The following CEP44 variants were observed in gnomAD, a reference collection of about 807,000 sequenced individuals.
CEP44 encodes centrosomal protein 44.
In CEP44, 45 loss-of-function variants were observed where a neutral mutation model predicts 46.7. The observed-to-expected ratio is 0.96, with a 90% CI of 0.76 to 1.24. CEP44 has a LOEUF of 1.24. CEP44 is among the 50% of genes most tolerant of loss of function. CEP44 has a pLI of 0.00. For synonymous variants in CEP44, 142 were observed against 146.0 expected, an observed-to-expected ratio of 0.97 and a Z score of 0.20; for missense variants, 475 against 459.7, an observed-to-expected ratio of 1.03 and a Z score of -0.30.
chr4:174,294,734 C>A (rs1331821130), intron 1 of CEP44, among the ~76,000 whole-genome samples: 1 of 144,094 alleles, frequency 6.9e-6, no homozygotes, highest in East Asian at 2.1e-4. Flanking sequence ...GACCACCCCC[C>A]ACCTCCCTGC....
Position 174,303,731 on chromosome 4 carries a change from C to A in CEP44, c.266C>A (p.Pro89Gln). The A allele has an allele frequency of 1.3e-6, 2 of 1,541,800 alleles. No individual in the cohort carries two copies. The highest frequency in any genetic ancestry group is 1.2e-5 in the South Asian group (1 of 82,578). Residue 89 changes from proline (P) to glutamine (Q), a missense_variant, in exon 5 of 12, where the codon CCA (proline) becomes CAA (glutamine). By Grantham distance (76) the Pro-to-Gln change is moderately conservative (BLOSUM62 -1). Transcript: ENST00000503780. ...KLLRDQFNYK[P>Q]ILTKKQFIQC... ...CTTCGTGATCAATTTAATTATAAACCAATTTTGACAAAAAAGCAGTTTATC... is the reference window on the plus strand; with the variant it reads ...CTTCGTGATCAATTTAATTATAAACAAATTTTGACAAAAAAGCAGTTTATC...
chr4:174,323,596 G>C (rs1417186554), downstream of CEP44, among the ~76,000 whole-genome samples: 1 of 152,072 alleles, frequency 6.6e-6, no homozygotes, highest in East Asian at 1.9e-4. Context: ...GGGGCATTAG[G>C]GATATTTGTG....
rs1463915967 is a variant in CEP44, at chr4:174,294,632, GC to G, written c.-147-3330del. 2.0e-5 allele frequency among the ~76,000 whole-genome samples: 3 copies of G among 151,582 alleles called. No homozygotes were observed. The East Asian group carries it at 5.9e-4, about 30-fold the overall frequency. On this transcript the variant is annotated intron_variant, in intron 1 of 11. Transcript: ENST00000503780. Reference sequence around the variant, plus strand: ...CCAGTAGGGGCGGCCGGGCAGAGGCGCCCCTCACCTCCCAGACGGGGCGGCT... The same window carrying G: ...CCAGTAGGGGCGGCCGGGCAGAGGCGCCCTCACCTCCCAGACGGGGCGGCT...
chr4:174,297,572 T>C lies in CEP44; in HGVS notation c.-147-394T>C, dbSNP rs912513427. On this transcript the variant is annotated intron_variant, in intron 1 of 11. Coordinates refer to ENST00000503780, the MANE Select transcript of CEP44 (RefSeq NM_001040157.3). The surrounding 1 kb of genome is among the most constrained non-coding windows in gnomAD (Gnocchi z 4.3). ...CTAGGTCCATCCACCTTCTCTAGCA[T>C]AGAACCTGATAGTCTGCTGTCACAG... Among the ~76,000 whole-genome samples the C allele has an allele frequency of 6.6e-6, 1 of 152,258 alleles. No individual in the cohort carries two copies. The highest frequency in any genetic ancestry group is 1.5e-5 in the Non-Finnish European group (1 of 68,022).
intron 1 of CEP44, among the ~76,000 whole-genome samples, chr4:174,291,782 CTTTTCTTTTT>C (rs1327116388): frequency 1.2e-5 from 1 of 81,636 alleles, no homozygotes; most frequent in African/African-American, 4.5e-5. Flanking sequence ...TTATCTTTTT[CTTTTCTTTTT>C]TTTTTTTTTT....
chr4:174,304,413 T>G (rs898053672), intron 6 of CEP44, 44 bp downstream of exon 6: 21 of 1,587,790 alleles, frequency 1.3e-5, no homozygotes, highest in African/African-American at 4.1e-5. Flanking sequence ...AAGAGTTATC[T>G]AATTAATCCA....
upstream of CEP44, chr4:174,283,788 T>C: frequency 2.5e-6 from 1 of 397,248 alleles, no homozygotes; most frequent in South Asian, 1.4e-4. This position sits in a 1 kb window ranked among gnomAD's most constrained non-coding sequence, Gnocchi z 6.7. Flanking sequence ...ACCATCAAGA[T>C]CAGAAAAACT....
chr4:174,327,112 A>G (rs1228558985), intron 8 of CEP44, among the ~76,000 whole-genome samples: 1 of 150,182 alleles, frequency 6.7e-6, no homozygotes, highest in Non-Finnish European at 1.5e-5. Flanking sequence ...ATATATATGT[A>G]TATATATATC....
chr4:174,308,983 A>G (rs1044491072), intron 7 of CEP44, 124 bp downstream of exon 7: 11 of 847,216 alleles, frequency 1.3e-5, no homozygotes, highest in African/African-American at 3.5e-5. Context: ...CATTTTATCT[A>G]TGTTACAATT....
In CEP44 at chr4:174,310,523, G is replaced by GT. The variant is rs1029060939; in HGVS notation, c.886-251dup. Among the ~76,000 whole-genome samples the GT allele has an allele frequency of 8.0e-5, 12 of 150,108 alleles. No homozygotes were observed. The highest frequency in any genetic ancestry group is 1.2e-4 in the African/African-American group (5 of 40,900). The stretch of plus-strand genomic sequence containing the variant: ...TTGCCTTATCAAATCTGAGAAATTT[G>GT]TTTTTTTTTACTCAGGATTTCAATT... On this transcript the variant is annotated intron_variant, in intron 8 of 11. Coordinates refer to ENST00000503780, the MANE Select transcript of CEP44 (RefSeq NM_001040157.3). The surrounding 1 kb of genome is among the most constrained non-coding windows in gnomAD (Gnocchi z 4.2).
At chr4:174,306,017 T>C (rs902001905) in intron 6 of CEP44, among the ~76,000 whole-genome samples, 5 of 152,190 alleles carry the variant, frequency 3.3e-5, no homozygotes, top group Admixed American at 3.3e-4. Flanking sequence ...TTCTCAGATT[T>C]AGAAAAGAGT....
rs1737628829 is a variant in CEP44 at position 174,286,772 on chromosome 4, T to TA, written c.-148+2835dup. On this transcript the variant is annotated intron_variant, in intron 1 of 11. Transcript: ENST00000503780. The surrounding 1 kb of genome is among the most constrained non-coding windows in gnomAD (Gnocchi z 5.2). ...ATGCTATTACTTTTGGGGCAGTTTT[T>TA]AAAAAATGAATCATTTTGTTTAAAG... Among the ~76,000 whole-genome samples, 2 of 152,234 alleles carry TA rather than the reference T, an allele frequency of 1.3e-5. No homozygotes were observed. Among genetic ancestry groups the TA allele is most frequent in the African/African-American group, 2.4e-5 (1 of 41,458 alleles).
chr4:174,306,269 C>T (rs1005294897), intron 6 of CEP44, among the ~76,000 whole-genome samples: 3 of 151,986 alleles, frequency 2.0e-5, no homozygotes, highest in Admixed American at 2.0e-4. Context: ...GAATTGTTAG[C>T]TGAAGGTCTA....
intron 3 of CEP44, among the ~76,000 whole-genome samples, 155 bp downstream of exon 3, chr4:174,299,365 T>C (rs1175981534): frequency 6.6e-6 from 1 of 152,216 alleles, no homozygotes; most frequent in Non-Finnish European, 1.5e-5. Flanking sequence ...CAGGGAATTA[T>C]AGGAGTTTAT....
chr4:174,291,084 A>T (rs192413292), intron 1 of CEP44, among the ~76,000 whole-genome samples: 1 of 152,062 alleles, frequency 6.6e-6, no homozygotes, highest in Non-Finnish European at 1.5e-5. Flanking sequence ...TGTTGTTTTT[A>T]TTATCCATTT....
rs960921938 is a variant in CEP44, at chr4:174,298,027, T to C, written c.-86T>C. The C allele has an allele frequency of 6.6e-6, 1 of 152,244 alleles. No homozygotes were observed. The highest frequency in any genetic ancestry group is 1.5e-5 in the Non-Finnish European group (1 of 68,094). 9.4% of individuals were successfully genotyped at this position (152,244 alleles called of 1,614,324 possible). On this transcript the variant is annotated 5_prime_UTR_variant, in exon 2 of 12. Transcript: ENST00000503780. ...CTTCAGTTGGTTTCCTCCTAAATAT[T>C]AGGCAGATGGGATTGGCTGGTCTGT...
chr4:174,330,018 G>A (rs569962645), intron 8 of CEP44, among the ~76,000 whole-genome samples: 1 of 152,178 alleles, frequency 6.6e-6, no homozygotes, highest in Admixed American at 6.5e-5. Flanking sequence ...TTCTGAATTT[G>A]TAACACATGT....
intron 9 of CEP44, among the ~76,000 whole-genome samples, chr4:174,315,035 G>C (rs920577733): frequency 6.6e-6 from 1 of 152,202 alleles, no homozygotes; most frequent in Non-Finnish European, 1.5e-5. Context: ...AGCAGAGAAA[G>C]CCATTCTACA....
At chr4:174,323,742 G>A (rs193166428), downstream of CEP44, among the ~76,000 whole-genome samples, 228 of 152,230 alleles carry the variant, frequency 1.5e-3, no homozygotes, top group African/African-American at 5.3e-3. Context: ...AGATGGTGTC[G>A]TTGGCACAAT....
Sources: gnomAD v4.1 joint callset for allele counts (sites outside exome capture counted in the v4.1 genomes callset) on GRCh38, gnomAD v4.1.1 for gene constraint, Gnocchi (gnomAD v3.1) non-coding constraint, MANE v1.5 for transcripts, NCBI Gene and HGNC (gene_info 2026-07-23, HGNC 2026-07-21) for gene names.